The following CLSTN2 variants were observed in gnomAD, a reference collection of about 807,000 sequenced individuals.
The protein encoded by CLSTN2 is calsyntenin-2.
Under a neutral mutation model 101.2 loss-of-function variants are expected in CLSTN2, and 48 were observed. That is an observed-to-expected ratio of 0.47 (90% CI 0.38 to 0.60). CLSTN2 has a LOEUF of 0.60. CLSTN2 is among the 20% of genes least tolerant of loss of function. The probability of loss-of-function intolerance (pLI) is 0.00; values close to 1 mark genes in which losing one functional copy is unlikely to be tolerated. For synonymous variants in CLSTN2, 481 were observed against 463.6 expected (o/e 1.04, Z -0.48); for missense variants, 1,160 against 1,238.2 (o/e 0.94, Z 0.95).
In CLSTN2 at chr3:140,564,022, G is replaced by A. The variant is rs770167525; in HGVS notation, c.2544G>A (p.Val848=). ...IISVCMLVFV[V]AMGVYRVRIA... ...CCGTGTGCATGCTTGTGTTTGTCGT[G>A]GCCATGGGTGTGTACCGGGTCCGGA... The change falls in exon 16 of 17, where the codon GTG becomes GTA. Residue 848 remains valine, a synonymous_variant. Coordinates refer to ENST00000458420, the MANE Select transcript of CLSTN2 (RefSeq NM_022131.3). 2 of 1,614,028 alleles carry A rather than the reference G, an allele frequency of 1.2e-6. No individual in the cohort carries two copies. The highest frequency in any genetic ancestry group is 1.7e-6 in the Non-Finnish European group (2 of 1,180,006).
At chr3:139,949,802 T>C (rs1328761521) in intron 1 of CLSTN2, among the ~76,000 whole-genome samples, 2 of 152,244 alleles carry the variant, frequency 1.3e-5, no homozygotes, top group Non-Finnish European at 2.9e-5. Context: ...GACACTTTCC[T>C]ATGTCATTCC....
At chr3:140,309,783 C>T (rs1473059362) in intron 2 of CLSTN2, among the ~76,000 whole-genome samples, 3 of 152,080 alleles carry the variant, frequency 2.0e-5, no homozygotes, top group East Asian at 1.9e-4. Flanking sequence ...GTGGGGCCTT[C>T]GTGTCCTTAT....
At chr3:140,481,710 A>G (rs1229427913) in intron 8 of CLSTN2, among the ~76,000 whole-genome samples, 1 of 152,160 alleles carries the variant, frequency 6.6e-6, no homozygotes, top group Non-Finnish European at 1.5e-5. Flanking sequence ...CTTTGAAGCA[A>G]TTGTGAATGG....
At chr3:140,000,338 G>C (rs2006802898) in intron 1 of CLSTN2, among the ~76,000 whole-genome samples, 1 of 152,202 alleles carries the variant, frequency 6.6e-6, no homozygotes, top group Admixed American at 6.5e-5. Context: ...TAATATTTTG[G>C]AAGGTTGTTA....
At chr3:140,524,872 G>A (rs1027029587) in intron 8 of CLSTN2, among the ~76,000 whole-genome samples, 1 of 152,116 alleles carries the variant, frequency 6.6e-6, no homozygotes, top group Non-Finnish European at 1.5e-5. Flanking sequence ...AATTAAGGCA[G>A]AAATCAAAAA....
At chr3:140,079,766 G>GA (rs143411115) in intron 1 of CLSTN2, among the ~76,000 whole-genome samples, 2,851 of 134,870 alleles carry the variant, frequency 0.021, 114 homozygotes, top group African/African-American at 0.082. Flanking sequence ...AAAAAAGAAA[G>GA]AAAAAAAAGA....
At position 140,562,263 on chromosome 3, in the gene CLSTN2, C is replaced by T. The variant is rs759220542; in HGVS notation, c.2167C>T (p.Arg723Ter). ...LELNHSELHQ[R>*]HLDATNSTAG... Reference sequence around the variant, plus strand: ...GCTCAACCACAGTGAGCTCCACCAACGACACCTGGATGCCACTAATTCTAC... The same window carrying T: ...GCTCAACCACAGTGAGCTCCACCAATGACACCTGGATGCCACTAATTCTAC... The change falls in exon 13 of 17, where the codon CGA (arginine) becomes TGA (stop). Residue 723 changes from arginine (R) to a stop codon, truncating the protein, a stop_gained. Transcript: ENST00000458420. LOFTEE classifies it high-confidence loss of function. The T allele has an allele frequency of 3.1e-6, 5 of 1,613,970 alleles. No individual in the cohort carries two copies. The highest frequency in any genetic ancestry group is 1.1e-5 in the South Asian group (1 of 91,056).
intron 2 of CLSTN2, among the ~76,000 whole-genome samples, chr3:140,396,130 T>G (rs2088179747): frequency 6.6e-6 from 1 of 152,172 alleles, no homozygotes; most frequent in African/African-American, 2.4e-5. Flanking sequence ...CCTTGACTCT[T>G]GCCCAGTGAA....
intron 1 of CLSTN2, among the ~76,000 whole-genome samples, chr3:140,056,921 T>A (rs1199346045): frequency 6.6e-6 from 1 of 152,192 alleles, no homozygotes; most frequent in African/African-American, 2.4e-5. Context: ...TGGCTTAAAC[T>A]TAGAGGGTAG....
At chr3:140,424,924 G>A (rs1469266938) in intron 5 of CLSTN2, among the ~76,000 whole-genome samples, 1 of 152,110 alleles carries the variant, frequency 6.6e-6, no homozygotes, top group Non-Finnish European at 1.5e-5. Context: ...GTGAGGAGCT[G>A]CAATGAGCCT....
chr3:140,328,540 A>G (rs2087352483), intron 2 of CLSTN2, among the ~76,000 whole-genome samples: 1 of 152,158 alleles, frequency 6.6e-6, no homozygotes, highest in African/African-American at 2.4e-5. Context: ...TACAAACACG[A>G]TGGAAAGAAG....
intron 8 of CLSTN2, among the ~76,000 whole-genome samples, chr3:140,504,764 G>A (rs900300508): frequency 2.6e-5 from 4 of 152,202 alleles, no homozygotes; most frequent in Admixed American, 6.6e-5. Context: ...TAGCATGAAA[G>A]TATAAGGACT....
At chr3:140,117,750 G>A (rs1185946539) in intron 1 of CLSTN2, among the ~76,000 whole-genome samples, 1 of 152,202 alleles carries the variant, frequency 6.6e-6, no homozygotes, top group Non-Finnish European at 1.5e-5. Flanking sequence ...AGCAGGGGCA[G>A]ATGCAGTTAT....
chr3:140,109,634 G>A (rs1340076821), intron 1 of CLSTN2, among the ~76,000 whole-genome samples: 1 of 152,160 alleles, frequency 6.6e-6, no homozygotes, highest in South Asian at 2.1e-4. Flanking sequence ...AAAGCACTGA[G>A]CCCTGTAGAG....
At chr3:140,483,950 T>A (rs1242466310) in intron 8 of CLSTN2, among the ~76,000 whole-genome samples, 1 of 152,218 alleles carries the variant, frequency 6.6e-6, no homozygotes. Context: ...TTGGAGCATT[T>A]AGCCCATTTA....
intron 6 of CLSTN2, among the ~76,000 whole-genome samples, chr3:140,452,956 A>G (rs1389663116): frequency 6.6e-6 from 1 of 152,202 alleles, no homozygotes; most frequent in Non-Finnish European, 1.5e-5. Context: ...CATGCCATCT[A>G]GGCACCAGGC....
intron 2 of CLSTN2, among the ~76,000 whole-genome samples, chr3:140,332,788 A>G (rs1183287692): frequency 6.6e-6 from 1 of 151,764 alleles, no homozygotes; most frequent in Non-Finnish European, 1.5e-5. Flanking sequence ...TAAGAATAGG[A>G]GAGTCAGTTA....
chr3:140,416,505 CA>C (rs2088432799), intron 4 of CLSTN2, among the ~76,000 whole-genome samples: 2 of 152,116 alleles, frequency 1.3e-5, no homozygotes, highest in Non-Finnish European at 2.9e-5. Context: ...CAAATATATA[CA>C]ATTTTTATTT....
intron 2 of CLSTN2, among the ~76,000 whole-genome samples, chr3:140,202,171 G>C (rs2010725612): frequency 6.6e-6 from 1 of 152,198 alleles, no homozygotes; most frequent in Non-Finnish European, 1.5e-5. Context: ...TTGAGCAGAA[G>C]AGTAATGTGA....
Sources: allele counts gnomAD v4.1 joint callset (sites outside exome capture counted in the v4.1 genomes callset), GRCh38; gene constraint gnomAD v4.1.1; transcripts MANE v1.5; gene names NCBI Gene and HGNC (gene_info 2026-07-23, HGNC 2026-07-21).